Variants in RECK observed in about 807,000 individuals in gnomAD.
The protein encoded by RECK is reversion inducing cysteine rich protein with kazal motifs.
A neutral mutation model predicts 115.1 loss-of-function variants in RECK; 69 were observed. The observed-to-expected ratio is 0.60, with a 90% CI of 0.49 to 0.73. RECK has a LOEUF of 0.73. Among genes scored for constraint, RECK ranks in the 30% least tolerant of loss-of-function variants. RECK has a pLI of 0.00. For missense variants in RECK, 1,047 were observed against 1,203.7 expected (o/e 0.87, Z 1.93); for synonymous variants, 414 against 419.7 (o/e 0.99, Z 0.17).
rs754984693 is a variant in RECK, at chr9:36,122,946, T to C, written c.2817T>C (p.Ser939=). The change falls in exon 21 of 21, where the codon AGT becomes AGC. Residue 939 remains serine, a synonymous_variant. Transcript: ENST00000377966. ...TTTCCCAGGTACAGGTCTCCAGCAGTGTGCCATCGGCCGGTGTCAGGGCCA... is the reference window on the plus strand; with the variant it reads ...TTTCCCAGGTACAGGTCTCCAGCAGCGTGCCATCGGCCGGTGTCAGGGCCA... ...LIISQVQVSS[S]VPSAGVRARP... is the part of the protein sequence containing the mutation. The C allele has an allele frequency of 6.2e-7, 1 of 1,614,210 alleles. No homozygotes were observed. The highest frequency in any genetic ancestry group is 8.5e-7 in the Non-Finnish European group (1 of 1,180,040).
intron 1 of RECK, among the ~76,000 whole-genome samples, chr9:36,037,778 T>C (rs892257917): frequency 6.6e-6 from 1 of 151,682 alleles, no homozygotes; most frequent in East Asian, 1.9e-4. Flanking sequence ...CGGTAGGAGA[T>C]GGGGTACAGC....
At chr9:36,064,653 G>A (rs1392324802) in intron 5 of RECK, among the ~76,000 whole-genome samples, 1 of 152,152 alleles carries the variant, frequency 6.6e-6, no homozygotes, top group Non-Finnish European at 1.5e-5. Context: ...AACAGTCTGG[G>A]CAGCACATGA....
intron 6 of RECK, among the ~76,000 whole-genome samples, chr9:36,069,890 A>G (rs1362766907): frequency 6.6e-6 from 1 of 152,190 alleles, no homozygotes. Flanking sequence ...AAGAAGACCA[A>G]CGACTGATTT....
intron 4 of RECK, among the ~76,000 whole-genome samples, chr9:36,060,856 A>G (rs1821728264): frequency 6.6e-6 from 1 of 152,176 alleles, no homozygotes; most frequent in South Asian, 2.1e-4. Context: ...GGATCTCTGC[A>G]TCCAGGTGCC....
chr9:36,078,850 CTTTAT>C (rs891297009), intron 6 of RECK, among the ~76,000 whole-genome samples: 5 of 151,786 alleles, frequency 3.3e-5, no homozygotes, highest in East Asian at 1.9e-4. Flanking sequence ...AGCCGACTAC[CTTTAT>C]TTTATTTTAT....
chr9:36,091,015 C>G (rs1724043146), intron 9 of RECK, 149 bp from the exon 10 acceptor site: 4 of 589,614 alleles, frequency 6.8e-6, no homozygotes, highest in Admixed American at 3.6e-5. Flanking sequence ...TTTTCTGGCT[C>G]TAGTTTCTAG....
intron 18 of RECK, among the ~76,000 whole-genome samples, chr9:36,119,917 G>A (rs1474625080): frequency 6.6e-6 from 1 of 152,178 alleles, no homozygotes; most frequent in Non-Finnish European, 1.5e-5. Flanking sequence ...ATGGGTTTTA[G>A]CAGTTTAAAA....
intron 1 of RECK, among the ~76,000 whole-genome samples, chr9:36,039,062 A>G (rs1033577169): frequency 1.3e-5 from 2 of 152,146 alleles, no homozygotes; most frequent in Non-Finnish European, 2.9e-5. Flanking sequence ...TTTTTTCTTC[A>G]TAACACCTAA....
intron 10 of RECK, among the ~76,000 whole-genome samples, chr9:36,099,718 C>T (rs527735249): frequency 6.6e-6 from 1 of 152,046 alleles, no homozygotes. Context: ...CTCCTGAGCT[C>T]AAGCTATCTT....
intron 9 of RECK, among the ~76,000 whole-genome samples, chr9:36,089,781 C>CA (rs932950212): frequency 3.3e-5 from 5 of 151,714 alleles, no homozygotes; most frequent in East Asian, 1.9e-4. Flanking sequence ...TTCTAAAATC[C>CA]AAAAAAAATC....
intron 13 of RECK, among the ~76,000 whole-genome samples, chr9:36,105,673 A>C (rs568760373): frequency 7.2e-5 from 11 of 152,260 alleles, no homozygotes; most frequent in African/African-American, 2.4e-4. Context: ...TACATTGTTC[A>C]TGTTTTTTCT....
At position 36,116,983 on chromosome 9, in the gene RECK, A is replaced by G; in HGVS notation, c.2061-2A>G. 1 of 1,603,526 alleles carries G rather than the reference A, an allele frequency of 6.2e-7. No homozygotes were observed. Among genetic ancestry groups the G allele is most frequent in the Non-Finnish European group, 8.5e-7 (1 of 1,172,858 alleles). On this transcript the variant is annotated splice_acceptor_variant, in intron 16 of 20. Transcript: ENST00000377966. LOFTEE classifies it high-confidence loss of function. ...TCATGGTGCTGCATTCGTCTTTTTC[A>G]GGTGCATACCCAAACCACAGGTCTG...
chr9:36,055,806 C>CT (rs1335210086), intron 2 of RECK, among the ~76,000 whole-genome samples: 1 of 151,794 alleles, frequency 6.6e-6, no homozygotes, highest in Non-Finnish European at 1.5e-5. Context: ...GGTTTTTTGC[C>CT]TTTTTTGTTT....
At chr9:36,043,350 C>G (rs1219059024) in intron 1 of RECK, among the ~76,000 whole-genome samples, 1 of 151,652 alleles carries the variant, frequency 6.6e-6, no homozygotes, top group Non-Finnish European at 1.5e-5. Context: ...CTCCTTAGCC[C>G]ACTTTTTAAT....
intron 1 of RECK, among the ~76,000 whole-genome samples, chr9:36,046,635 CAGA>C (rs1436936599): frequency 6.6e-6 from 1 of 152,116 alleles, no homozygotes; most frequent in Admixed American, 6.5e-5. Flanking sequence ...AAGTTATTAC[CAGA>C]AGACTTTAGG....
At position 36,068,870 on chromosome 9, in the gene RECK, T is replaced by C. The variant is rs79685413; in HGVS notation, c.405+3246T>C. Among the ~76,000 whole-genome samples, 190 of 152,324 alleles carry C rather than the reference T, an allele frequency of 1.2e-3. 3 individuals are homozygous for C. In the East Asian group the frequency reaches 0.033, roughly 26 times the overall value. On this transcript the variant is annotated intron_variant, in intron 6 of 20. Coordinates refer to ENST00000377966, the MANE Select transcript of RECK (RefSeq NM_021111.3). ...CCATTGAAAATTCATAACCCTAAGC[T>C]GGTCTTCCCATGAGTTTGCAGCCCA...
In RECK at chr9:36,117,043, T is replaced by G. The variant is rs780052355; in HGVS notation, c.2119T>G (p.Tyr707Asp). 8 of 1,614,054 alleles carry G rather than the reference T, an allele frequency of 5.0e-6. No individual in the cohort carries two copies. The highest frequency in any genetic ancestry group is 6.8e-6 in the Non-Finnish European group (8 of 1,179,954). The stretch of plus-strand genomic sequence containing the variant: ...TTTTGATAAATTTGGATGTAGCCAG[T>G]ATGAGTGTGTACCAAGACAGCTCGC... The part of the protein sequence containing the change: ...TTFDKFGCSQ[Y>D]ECVPRQLACD... The change falls in exon 17 of 21, where the codon TAT (tyrosine) becomes GAT (aspartate). Residue 707 changes from tyrosine to aspartate, a missense_variant. Tyr to Asp is a radical substitution (Grantham distance 160). Coordinates refer to ENST00000377966, the MANE Select transcript of RECK (RefSeq NM_021111.3).
At chr9:36,104,346 T>A (rs1320452965) in intron 12 of RECK, among the ~76,000 whole-genome samples, 1 of 88,398 alleles carries the variant, frequency 1.1e-5, no homozygotes, top group African/African-American at 4.4e-5. Flanking sequence ...TTTTTTTTTT[T>A]TTTTTTTTTT....
chr9:36,105,088 C>T, intron 12 of RECK, 55 bp from the exon 13 acceptor site: 2 of 1,448,242 alleles, frequency 1.4e-6, no homozygotes, highest in Non-Finnish European at 1.9e-6. Flanking sequence ...AGATAATTTA[C>T]AGTTTTCTCT....
Sources: gnomAD v4.1 joint callset for allele counts (sites outside exome capture counted in the v4.1 genomes callset) on GRCh38, gnomAD v4.1.1 for gene constraint, MANE v1.5 for transcripts, NCBI Gene and HGNC (gene_info 2026-07-23, HGNC 2026-07-21) for gene names.